Variants in PCDH15 observed in about 807,000 individuals in gnomAD.
PCDH15 encodes protocadherin-15.
Under a neutral mutation model 178.5 loss-of-function variants are expected in PCDH15, and 129 were observed. The ratio of observed to expected loss-of-function variants is 0.72; its 90% CI spans 0.63 to 0.84. The LOEUF (loss-of-function observed/expected upper bound fraction) is 0.84. PCDH15 is among the 40% of genes least tolerant of loss of function. The pLI is 0.00. For synonymous variants in PCDH15, 800 were observed against 732.0 expected (o/e 1.09, Z -1.50); for missense variants, 2,230 against 2,099.9 (o/e 1.06, Z -1.21).
At chr10:54,847,114 C>T (rs2131759862) in intron 3 of PCDH15, among the ~76,000 whole-genome samples, 1 of 152,234 alleles carries the variant, frequency 6.6e-6, no homozygotes, top group East Asian at 1.9e-4. Flanking sequence ...TTACTAACTG[C>T]TCCCTACTGG....
intron 2 of PCDH15, among the ~76,000 whole-genome samples, chr10:55,093,066 T>G (rs576539574): frequency 1.2e-4 from 19 of 152,162 alleles, no homozygotes; most frequent in African/African-American, 4.6e-4. Context: ...AAAATACCAC[T>G]GAATCAAAAT....
chr10:55,544,139 C>CATATATATATATAT (rs1176456895), intron 2 of PCDH15, among the ~76,000 whole-genome samples: 842 of 53,812 alleles, frequency 0.016, 19 homozygotes, highest in Non-Finnish European at 0.021. Context: ...CTTATACATA[C>CATATATATATATAT]ATATATATAT....
chr10:55,153,108 T>C (rs1838783617), intron 2 of PCDH15, among the ~76,000 whole-genome samples: 6 of 152,208 alleles, frequency 3.9e-5, no homozygotes, highest in Admixed American at 3.9e-4. Context: ...GGTGTCATTA[T>C]TTTCAAGACG....
At chr10:54,132,074 T>C (rs2042482990) in intron 15 of PCDH15, among the ~76,000 whole-genome samples, 1 of 152,182 alleles carries the variant, frequency 6.6e-6, no homozygotes, top group African/African-American at 2.4e-5. Context: ...CAGCAACTTC[T>C]GCAATTACCA....
At chr10:54,318,376 A>AT (rs1241963376) in intron 7 of PCDH15, among the ~76,000 whole-genome samples, 5 of 151,982 alleles carry the variant, frequency 3.3e-5, no homozygotes, top group Non-Finnish European at 5.9e-5. Context: ...CTCTCCAGCC[A>AT]TTTTTTCTAT....
At chr10:54,024,982 TTTTCTGTCTATGGAA>T (rs1224343864) in intron 18 of PCDH15, among the ~76,000 whole-genome samples, 1 of 152,156 alleles carries the variant, frequency 6.6e-6, no homozygotes, top group African/African-American at 2.4e-5. Context: ...TTCAGTCACT[TTTTCTGTCTATGGAA>T]TATCTTAAGA....
intron 2 of PCDH15, among the ~76,000 whole-genome samples, chr10:55,158,078 G>A (rs1342054811): frequency 8.5e-6 from 1 of 117,144 alleles, no homozygotes; most frequent in African/African-American, 3.5e-5. Flanking sequence ...GTATGTGTGT[G>A]TATATATATA....
intron 9 of PCDH15, among the ~76,000 whole-genome samples, chr10:54,225,251 C>T (rs957911714): frequency 6.6e-6 from 1 of 152,110 alleles, no homozygotes; most frequent in African/African-American, 2.4e-5. Context: ...ATTCTTGTAT[C>T]CTTTAAAGTT....
chr10:54,672,085 ATCTAATG>A (rs2094685697), intron 1 of PCDH15, among the ~76,000 whole-genome samples: 1 of 152,080 alleles, frequency 6.6e-6, no homozygotes, highest in Non-Finnish European at 1.5e-5. Context: ...CCTTACGAGA[ATCTAATG>A]TCTGATGATT....
chr10:55,205,757 C>T (rs1345216614), intron 1 of PCDH15, among the ~76,000 whole-genome samples: 1 of 151,860 alleles, frequency 6.6e-6, no homozygotes, highest in Non-Finnish European at 1.5e-5. Context: ...TTTTTACCTT[C>T]CGTATTAGCC....
intron 18 of PCDH15, among the ~76,000 whole-genome samples, chr10:54,057,779 G>A (rs1450110939): frequency 6.6e-6 from 1 of 152,290 alleles, no homozygotes; most frequent in East Asian, 1.9e-4. Context: ...TCATCAGGCT[G>A]CAAATTTCTC....
chr10:54,702,255 T>C (rs2095316118), intron 1 of PCDH15, among the ~76,000 whole-genome samples: 3 of 151,784 alleles, frequency 2.0e-5, no homozygotes, highest in African/African-American at 7.3e-5. Flanking sequence ...TTATTTGAAA[T>C]GAATAACAAA....
chr10:53,931,647 C>T (rs1041123269), intron 25 of PCDH15, among the ~76,000 whole-genome samples: 10 of 152,002 alleles, frequency 6.6e-5, no homozygotes, highest in Admixed American at 3.3e-4. Flanking sequence ...TCTCTTTAAT[C>T]CTGCTAATAT....
intron 1 of PCDH15, among the ~76,000 whole-genome samples, chr10:54,674,942 TCTTA>T (rs1257257060): frequency 6.6e-6 from 1 of 152,092 alleles, no homozygotes; most frequent in Non-Finnish European, 1.5e-5. Context: ...GAATAAGTTG[TCTTA>T]CTCACAAAGA....
chr10:54,079,216 T>C (rs2094395809), intron 17 of PCDH15, 115 bp downstream of exon 17: 1 of 1,007,208 alleles, frequency 9.9e-7, no homozygotes, highest in Non-Finnish European at 1.6e-6. Context: ...TTCTAGTAAT[T>C]ATAAGAAGTT....
intron 1 of PCDH15, among the ~76,000 whole-genome samples, chr10:54,779,429 C>CATATATGTGTATATATATACACACAT (rs200324192): frequency 1.0e-5 from 1 of 99,686 alleles, no homozygotes; most frequent in African/African-American, 3.6e-5. Flanking sequence ...TATACACACA[C>CATATATGTGTATATATATACACACAT]ATATGTGTAT....
intron 1 of PCDH15, among the ~76,000 whole-genome samples, chr10:55,248,739 T>C (rs142152184): frequency 2.6e-5 from 4 of 152,246 alleles, no homozygotes; most frequent in Non-Finnish European, 5.9e-5. Context: ...ATATTTTTTG[T>C]AGAGACAGGG....
At chr10:54,279,435 T>C (rs1564850406) in intron 8 of PCDH15, among the ~76,000 whole-genome samples, 1 of 151,646 alleles carries the variant, frequency 6.6e-6, no homozygotes, top group South Asian at 2.1e-4. Context: ...TTAAATAACT[T>C]TGGAAACTCA....
intron 6 of PCDH15, among the ~76,000 whole-genome samples, chr10:54,343,076 G>C (rs1181331361): frequency 6.6e-6 from 1 of 152,238 alleles, no homozygotes; most frequent in Non-Finnish European, 1.5e-5. Flanking sequence ...AATGATTTAA[G>C]ACTTTAGGGA....
Sources: allele counts gnomAD v4.1 joint callset (sites outside exome capture counted in the v4.1 genomes callset), GRCh38; gene constraint gnomAD v4.1.1; transcripts MANE v1.5; gene names NCBI Gene and HGNC (gene_info 2026-07-23, HGNC 2026-07-21).